Variants in HCN1 observed in about 807,000 individuals in gnomAD.
HCN1 encodes the protein potassium/sodium hyperpolarization-activated cyclic nucleotide-gated channel 1.
HCN1 carries 13 observed loss-of-function variants against 78.9 expected under a neutral mutation model. The ratio of observed to expected loss-of-function variants is 0.16; its 90% confidence interval spans 0.11 to 0.26. The LOEUF (loss-of-function observed/expected upper bound fraction) is 0.26, where lower values mean the gene tolerates loss of function less well. Ranked by LOEUF, HCN1 falls within the 10% of genes least tolerant of loss-of-function variation. HCN1 has a pLI of 1.00. For synonymous variants in HCN1, 552 were observed against 455.5 expected (o/e 1.21, Z -2.70); for missense variants, 810 against 1,154.3 (o/e 0.70, Z 4.32).
intron 2 of HCN1, among the ~76,000 whole-genome samples, chr5:45,639,485 A>AT (rs533496395): frequency 6.6e-6 from 1 of 152,104 alleles, no homozygotes; most frequent in Non-Finnish European, 1.5e-5. Flanking sequence ...ACTTTATGTG[A>AT]TTTTCCCTAG....
At chr5:45,266,630 T>G (rs1026879535) in intron 7 of HCN1, among the ~76,000 whole-genome samples, 1 of 151,762 alleles carries the variant, frequency 6.6e-6, no homozygotes, top group South Asian at 2.1e-4. Context: ...GACCCAGATC[T>G]CTCAAGAAAT....
chr5:45,283,414 G>A (rs180752791), intron 6 of HCN1, among the ~76,000 whole-genome samples: 2 of 152,080 alleles, frequency 1.3e-5, no homozygotes, highest in African/African-American at 2.4e-5. Flanking sequence ...CTAATATCCA[G>A]CACCTATAAG....
intron 3 of HCN1, among the ~76,000 whole-genome samples, chr5:45,400,644 C>T (rs950406150): frequency 1.3e-5 from 2 of 151,902 alleles, no homozygotes; most frequent in African/African-American, 2.4e-5. Context: ...TCACCTCAGG[C>T]GATCCACCTG....
intron 1 of HCN1, among the ~76,000 whole-genome samples, chr5:45,690,913 A>G (rs1739897845): frequency 6.6e-6 from 1 of 152,040 alleles, no homozygotes; most frequent in Non-Finnish European, 1.5e-5. Context: ...GTTGTTTCTA[A>G]ATAATGAAGT....
chr5:45,588,720 G>A lies in HCN1; in HGVS notation c.849+56465C>T, dbSNP rs182640364. On this transcript the variant is annotated intron_variant, in intron 2 of 7. Transcript: ENST00000303230. Reference sequence around the variant, plus strand: ...ACCGACTACTCACCAGGCTAGATGAGGCCTTTCATACCTGTCAGCACCCAG... The same window carrying A: ...ACCGACTACTCACCAGGCTAGATGAAGCCTTTCATACCTGTCAGCACCCAG... Among the ~76,000 whole-genome samples the A allele has an allele frequency of 3.4e-4, 51 of 152,196 alleles. 1 individual carries two copies. In the East Asian group the frequency reaches 7.7e-3, roughly 23 times the overall value.
At chr5:45,329,541 G>A (rs1332796598) in intron 5 of HCN1, among the ~76,000 whole-genome samples, 1 of 151,380 alleles carries the variant, frequency 6.6e-6, no homozygotes, top group African/African-American at 2.4e-5. Context: ...TGATTCAGTG[G>A]AAGTAAGAAA....
At chr5:45,576,363 G>A (rs2111911587) in intron 2 of HCN1, 1 of 152,268 alleles carries the variant, frequency 6.6e-6, no homozygotes, top group Non-Finnish European at 1.5e-5. Context: ...AGCAGAGGCA[G>A]TGTTTAAGAA....
At chr5:45,286,567 C>G (rs1226856464) in intron 6 of HCN1, among the ~76,000 whole-genome samples, 1 of 152,000 alleles carries the variant, frequency 6.6e-6, no homozygotes, top group African/African-American at 2.4e-5. Flanking sequence ...TAGTCTTCAT[C>G]TTTCTCACTC....
intron 7 of HCN1, 57 bp from the exon 8 acceptor site, chr5:45,262,867 C>G: frequency 6.3e-7 from 1 of 1,590,724 alleles, no homozygotes; most frequent in East Asian, 2.2e-5. Flanking sequence ...GATGACAACG[C>G]CAAGTGAGAG....
intron 3 of HCN1, among the ~76,000 whole-genome samples, chr5:45,419,206 A>C (rs560905027): frequency 7.9e-5 from 12 of 152,298 alleles, no homozygotes; most frequent in Admixed American, 7.9e-4. Flanking sequence ...ATGGCATAGC[A>C]ACTAGGATAG....
intron 2 of HCN1, among the ~76,000 whole-genome samples, chr5:45,597,276 A>G (rs1211970132): frequency 2.0e-5 from 3 of 152,236 alleles, no homozygotes; most frequent in Non-Finnish European, 4.4e-5. Context: ...ACGCAAATCA[A>G]TAAACGTAAT....
Position 45,353,121 on chromosome 5 carries a change from T to C in HCN1, c.1356A>G (p.Glu452=), listed in dbSNP as rs754850027. The change falls in exon 5 of 8, where the codon GAA becomes GAG. Residue 452 remains glutamate, a synonymous_variant. Transcript: ENST00000303230. ...TTACCTCTCTCAGAGGATCATTGAG[T>C]TCATTGAGAATATTTTCCTCATCAA... The part of the protein sequence containing the change: ...KIFDEENILN[E]LNDPLREEIV... 5.6e-6 allele frequency: 9 copies of C among 1,611,268 alleles called. No homozygotes were observed. The highest frequency in any genetic ancestry group is 7.6e-6 in the Non-Finnish European group (9 of 1,178,272).
At chr5:45,387,728 G>A (rs964628925) in intron 4 of HCN1, among the ~76,000 whole-genome samples, 1 of 152,020 alleles carries the variant, frequency 6.6e-6, no homozygotes, top group Admixed American at 6.6e-5. Flanking sequence ...ATATACAGTA[G>A]TCCTCACTTA....
At chr5:45,571,533 T>C (rs976122561) in intron 2 of HCN1, among the ~76,000 whole-genome samples, 6 of 152,290 alleles carry the variant, frequency 3.9e-5, no homozygotes, top group South Asian at 4.1e-4. Context: ...GGATGCTTCA[T>C]GGGAATTTTG....
At chr5:45,379,797 AC>A (rs376688859) in intron 4 of HCN1, among the ~76,000 whole-genome samples, 24 of 152,086 alleles carry the variant, frequency 1.6e-4, no homozygotes, top group African/African-American at 5.3e-4. Context: ...CAGAAAGAAA[AC>A]CACATCTGAA....
intron 1 of HCN1, among the ~76,000 whole-genome samples, chr5:45,654,635 C>CA (rs1263641532): frequency 9.2e-5 from 14 of 152,090 alleles, no homozygotes; most frequent in Admixed American, 6.6e-5. Context: ...AGAATACTGA[C>CA]ATTTGGTTAT....
chr5:45,574,111 T>G lies in HCN1; in HGVS notation c.849+71074A>C, dbSNP rs182093169. The stretch of plus-strand genomic sequence containing the variant: ...TCCTATCCTATCCACAATACCATGA[T>G]GCTATATAGCTATTAAATTTGGAAC... On this transcript the variant is annotated intron_variant, in intron 2 of 7. Transcript: ENST00000303230. Among the ~76,000 whole-genome samples, 403 of 152,256 alleles carry G rather than the reference T, an allele frequency of 2.6e-3. 1 individual carries two copies. Among genetic ancestry groups the G allele is most frequent in the African/African-American group, 8.1e-3 (336 of 41,582 alleles).
chr5:45,616,552 C>A (rs377423718), intron 2 of HCN1, among the ~76,000 whole-genome samples: 5 of 151,894 alleles, frequency 3.3e-5, no homozygotes, highest in African/African-American at 1.2e-4. Flanking sequence ...ATTTTCTCAG[C>A]GTTTAAAGAA....
intron 2 of HCN1, among the ~76,000 whole-genome samples, chr5:45,476,450 G>T (rs1277757245): frequency 1.3e-4 from 20 of 152,248 alleles, no homozygotes; most frequent in Admixed American, 5.9e-4. Context: ...AGTAGCCCAA[G>T]AAAACTAAGA....
Sources: allele counts gnomAD v4.1 joint callset (sites outside exome capture counted in the v4.1 genomes callset), GRCh38; gene constraint gnomAD v4.1.1; transcripts MANE v1.5; gene names NCBI Gene and HGNC (gene_info 2026-07-23, HGNC 2026-07-21).